Variants in NAALADL2 observed in about 807,000 individuals in gnomAD.
The protein encoded by NAALADL2 is N-acetylated alpha-linked acidic dipeptidase like 2, also known as inactive N-acetylated-alpha-linked acidic dipeptidase-like protein 2.
Under a neutral mutation model 87.2 loss-of-function variants are expected in NAALADL2, and 76 were observed. The ratio of observed to expected loss-of-function variants is 0.87; its 90% confidence interval spans 0.72 to 1.05. The LOEUF (loss-of-function observed/expected upper bound fraction) is 1.05. Ranked by LOEUF, NAALADL2 falls within the 50% of genes least tolerant of loss-of-function variation. The pLI is 0.00. For synonymous variants in NAALADL2, 354 were observed against 331.0 expected, an observed-to-expected ratio of 1.07 and a Z score of -0.75; for missense variants, 1,089 against 945.8, an observed-to-expected ratio of 1.15 and a Z score of -1.99.
intron 11 of NAALADL2, among the ~76,000 whole-genome samples, chr3:175,685,936 T>A (rs1246143583): frequency 6.6e-6 from 1 of 152,150 alleles, no homozygotes; most frequent in Non-Finnish European, 1.5e-5. Flanking sequence ...CAGAATGATG[T>A]TTGACCAAAT....
intron 2 of NAALADL2, among the ~76,000 whole-genome samples, chr3:174,732,440 A>G (rs1221917391): frequency 6.6e-6 from 1 of 152,138 alleles, no homozygotes; most frequent in African/African-American, 2.4e-5. Flanking sequence ...CCATTATATG[A>G]AAAGGATTGT....
At chr3:174,699,835 T>TG (rs1729383749) in intron 2 of NAALADL2, among the ~76,000 whole-genome samples, 1 of 123,304 alleles carries the variant, frequency 8.1e-6, no homozygotes. Context: ...CATTTTAAGA[T>TG]GCTTTTTTTT....
chr3:175,241,393 G>A (rs1746845417), intron 3 of NAALADL2, among the ~76,000 whole-genome samples: 1 of 151,886 alleles, frequency 6.6e-6, no homozygotes, highest in Non-Finnish European at 1.5e-5. Flanking sequence ...GCTAATTTTT[G>A]TATTTTTAGT....
At chr3:175,698,634 T>A (rs1017849790) in intron 11 of NAALADL2, among the ~76,000 whole-genome samples, 1 of 150,992 alleles carries the variant, frequency 6.6e-6, no homozygotes, top group Admixed American at 6.6e-5. Flanking sequence ...TTTGATATTA[T>A]ACATTAAGAA....
intron 12 of NAALADL2, among the ~76,000 whole-genome samples, chr3:175,738,321 C>G (rs1744792304): frequency 6.6e-6 from 1 of 151,896 alleles, no homozygotes; most frequent in East Asian, 1.9e-4. Context: ...GATCTCAGCT[C>G]ACTGCAACCT....
At chr3:175,407,940 G>T (rs1026844595) in intron 5 of NAALADL2, among the ~76,000 whole-genome samples, 4 of 152,142 alleles carry the variant, frequency 2.6e-5, no homozygotes, top group Admixed American at 2.0e-4. Flanking sequence ...TGATATTTTT[G>T]TAATGGTCTG....
chr3:175,624,683 G>A (rs567955791), intron 10 of NAALADL2, among the ~76,000 whole-genome samples: 171 of 152,100 alleles, frequency 1.1e-3, no homozygotes, highest in Non-Finnish European at 1.8e-3. Context: ...TACACATTCA[G>A]TGATTAAGGC....
intron 1 of NAALADL2, among the ~76,000 whole-genome samples, chr3:174,543,594 ATCCCACTCTT>A (rs891272037): frequency 6.6e-6 from 1 of 151,712 alleles, no homozygotes; most frequent in African/African-American, 2.4e-5. Flanking sequence ...CATTTACTCT[ATCCCACTCTT>A]TCCTACCTTC....
intron 1 of NAALADL2, among the ~76,000 whole-genome samples, chr3:175,019,331 A>G (rs1477839750): frequency 1.3e-5 from 2 of 151,854 alleles, no homozygotes; most frequent in Non-Finnish European, 2.9e-5. Context: ...CTAAGAAATT[A>G]ATATTTAAGT....
intron 2 of NAALADL2, among the ~76,000 whole-genome samples, chr3:174,680,555 C>A (rs561143321): frequency 6.6e-6 from 1 of 152,164 alleles, no homozygotes; most frequent in Non-Finnish European, 1.5e-5. Flanking sequence ...TGATTTTATC[C>A]AAAGAATTAT....
intron 9 of NAALADL2, among the ~76,000 whole-genome samples, chr3:175,536,895 T>G (rs1215008168): frequency 1.3e-5 from 2 of 152,162 alleles, no homozygotes; most frequent in African/African-American, 4.8e-5. Flanking sequence ...GGCAGGAGAA[T>G]GGCGTGAACC....
chr3:175,342,188 AT>A (rs1344000507), intron 5 of NAALADL2, among the ~76,000 whole-genome samples: 1 of 152,098 alleles, frequency 6.6e-6, no homozygotes, highest in Non-Finnish European at 1.5e-5. Context: ...AAAGTCTTTG[AT>A]GAAATGCTTT....
intron 2 of NAALADL2, among the ~76,000 whole-genome samples, chr3:175,126,895 AAAAATTGAATGTGAGTT>A (rs1727054488): frequency 1.3e-5 from 2 of 151,420 alleles, no homozygotes; most frequent in Non-Finnish European, 2.9e-5. Context: ...CTAACATTCT[AAAAATTGAATGTGAGTT>A]GTTGGTCTTA....
intron 4 of NAALADL2, among the ~76,000 whole-genome samples, chr3:175,282,263 C>T (rs979432872): frequency 4.6e-5 from 7 of 151,996 alleles, no homozygotes; most frequent in Admixed American, 1.3e-4. Flanking sequence ...ATGATTATAG[C>T]ATGAGTGGGG....
intron 4 of NAALADL2, among the ~76,000 whole-genome samples, chr3:175,297,136 A>C (rs1041046622): frequency 1.3e-5 from 2 of 152,184 alleles, no homozygotes; most frequent in Admixed American, 1.3e-4. Context: ...GCAGAAGTCA[A>C]GTCGTTACAA....
intron 3 of NAALADL2, among the ~76,000 whole-genome samples, chr3:174,765,137 C>G (rs1460865915): frequency 1.6e-5 from 2 of 128,202 alleles, no homozygotes; most frequent in African/African-American, 5.5e-5. Context: ...CACACACACA[C>G]ACACACGAGA....
At chr3:175,613,545 T>A (rs1207477970) in intron 10 of NAALADL2, among the ~76,000 whole-genome samples, 1 of 152,220 alleles carries the variant, frequency 6.6e-6, no homozygotes, top group Non-Finnish European at 1.5e-5. Flanking sequence ...CATTATAATT[T>A]AGCAGGAATA....
At chr3:175,548,492 A>C (rs1713771057) in intron 9 of NAALADL2, among the ~76,000 whole-genome samples, 1 of 152,064 alleles carries the variant, frequency 6.6e-6, no homozygotes, top group Non-Finnish European at 1.5e-5. Flanking sequence ...CTGTACAGCA[A>C]ACCACCATGA....
intron 5 of NAALADL2, among the ~76,000 whole-genome samples, chr3:175,424,334 G>C (rs138309584): frequency 0.023 from 3,573 of 152,178 alleles, 157 homozygotes; most frequent in East Asian, 0.14. Context: ...GTCCTTGCCT[G>C]TGCCTATGTC....
Sources: gnomAD v4.1 joint callset for allele counts (sites outside exome capture counted in the v4.1 genomes callset) on GRCh38, gnomAD v4.1.1 for gene constraint, MANE v1.5 for transcripts, NCBI Gene and HGNC (gene_info 2026-07-23, HGNC 2026-07-21) for gene names.